The following GRSF1 variants were observed in gnomAD, a reference collection of about 807,000 sequenced individuals.
The protein encoded by GRSF1 is G-rich sequence factor 1.
Under a neutral mutation model 51.1 loss-of-function variants are expected in GRSF1, and 50 were observed. The ratio of observed to expected loss-of-function variants is 0.98; its 90% CI spans 0.78 to 1.24. The LOEUF (loss-of-function observed/expected upper bound fraction) is 1.24. GRSF1 is among the 50% of genes most tolerant of loss of function. The pLI is 0.00. For synonymous variants in GRSF1, 293 were observed against 253.3 expected, an observed-to-expected ratio of 1.16 and a Z score of -1.49; for missense variants, 700 against 639.7, an observed-to-expected ratio of 1.09 and a Z score of -1.02.
intron 8 of GRSF1, 149 bp from the exon 9 acceptor site, chr4:70,824,517 C>T: frequency 1.8e-6 from 1 of 548,126 alleles, no homozygotes; most frequent in Non-Finnish European, 3.3e-6. Flanking sequence ...CACGGTGGCT[C>T]ACGCCTATTG....
intron 9 of GRSF1, among the ~76,000 whole-genome samples, chr4:70,821,621 A>AAG (rs1462999894): frequency 1.3e-5 from 2 of 150,938 alleles, no homozygotes; most frequent in East Asian, 3.9e-4. Context: ...AAAAAAAAAA[A>AAG]AGCAATAGAA....
chr4:70,830,458 A>C (rs904898374), intron 5 of GRSF1, among the ~76,000 whole-genome samples: 2 of 151,352 alleles, frequency 1.3e-5, no homozygotes, highest in African/African-American at 2.4e-5. Context: ...AAAAAAAAAA[A>C]AAAACACACA....
In GRSF1 at chr4:70,832,447, T is replaced by C; in HGVS notation, c.674A>G (p.Tyr225Cys). Reference protein sequence around the residue: ...MYMGQRYVEVYEINNEDVDAL... With the variant: ...MYMGQRYVEVCEINNEDVDAL... ...ATCCACATCTTCATTGTTTATCTCA[T>C]ATACTACGAAGAAAAAACCCAACAG... The change falls in exon 4 of 10, where the codon TAT (tyrosine) becomes TGT (cysteine). Residue 225 changes from tyrosine (Y) to cysteine (C), a missense_variant. Transcript: ENST00000254799. The C allele has an allele frequency of 1.9e-6, 3 of 1,598,024 alleles. No homozygotes were observed. The highest frequency in any genetic ancestry group is 2.6e-6 in the Non-Finnish European group (3 of 1,166,614).
In GRSF1 at chr4:70,832,342, C is replaced by A. The variant is rs562156317; in HGVS notation, c.779G>T (p.Ser260Ile). The A allele has an allele frequency of 6.8e-6, 11 of 1,613,600 alleles. No homozygotes were observed. Among genetic ancestry groups the A allele is most frequent in the Non-Finnish European group, 9.3e-6 (11 of 1,179,618 alleles). ...GVVRLRGLPYSCNEKDIVDFF... is the reference protein window; with the variant it reads ...GVVRLRGLPYICNEKDIVDFF... ...GTCTACAATGTCTTTCTCATTGCAA[C>A]TATAAGGAAGTCCTCTCAAACGAAC... The change falls in exon 4 of 10, where the codon AGT becomes ATT. Residue 260 changes from serine (S) to isoleucine (I), a missense_variant. Physicochemically the swap from Ser to Ile is moderately radical, Grantham distance 142. Coordinates refer to ENST00000254799, the MANE Select transcript of GRSF1 (RefSeq NM_002092.4).
At chr4:70,823,973 TCTC>T (rs1733629727) in intron 9 of GRSF1, among the ~76,000 whole-genome samples, 2 of 57,872 alleles carry the variant, frequency 3.5e-5, no homozygotes, top group African/African-American at 8.6e-5. Flanking sequence ...GTTGTATCTC[TCTC>T]TTTTTTTTTT....
At chr4:70,829,155 T>C (rs1733858558) in intron 5 of GRSF1, among the ~76,000 whole-genome samples, 1 of 152,064 alleles carries the variant, frequency 6.6e-6, no homozygotes, top group Non-Finnish European at 1.5e-5. Context: ...CCTCCCAAAG[T>C]GCTGGGATTA....
At chr4:70,834,051 G>T (rs1055017445) in intron 2 of GRSF1, among the ~76,000 whole-genome samples, 1 of 152,150 alleles carries the variant, frequency 6.6e-6, no homozygotes, top group African/African-American at 2.4e-5. Flanking sequence ...CTGAGGTCAG[G>T]AGTTTGAGAC....
intron 8 of GRSF1, among the ~76,000 whole-genome samples, 190 bp downstream of exon 8, chr4:70,825,106 T>A (rs1733682786): frequency 6.6e-6 from 1 of 151,690 alleles, no homozygotes; most frequent in Non-Finnish European, 1.5e-5. Context: ...AAGAAAGAGA[T>A]TTGCAGGATA....
chr4:70,828,726 C>A (rs1733832060), intron 5 of GRSF1, among the ~76,000 whole-genome samples: 1 of 147,688 alleles, frequency 6.8e-6, no homozygotes, highest in Non-Finnish European at 1.5e-5. Context: ...CCTGCCACCA[C>A]ACACTGCTAA....
At chr4:70,830,107 A>C (rs1023863381) in intron 5 of GRSF1, among the ~76,000 whole-genome samples, 1 of 152,162 alleles carries the variant, frequency 6.6e-6, no homozygotes, top group African/African-American at 2.4e-5. Context: ...GGGGGGAAGA[A>C]TAAGTAAGGG....
At chr4:70,834,913 G>A (rs1461281099) in intron 2 of GRSF1, among the ~76,000 whole-genome samples, 7 of 152,102 alleles carry the variant, frequency 4.6e-5, no homozygotes, top group South Asian at 2.1e-4. Context: ...GTGAGCCACC[G>A]CACTTGGACC....
intron 7 of GRSF1, 105 bp downstream of exon 7, chr4:70,826,019 G>A (rs943751308): frequency 4.3e-5 from 40 of 938,728 alleles, no homozygotes; most frequent in Middle Eastern, 4.3e-4. Flanking sequence ...ACTATCCAAC[G>A]CAGAAACACT....
chr4:70,831,837 C>T (rs1733983597), intron 4 of GRSF1, among the ~76,000 whole-genome samples, 163 bp from the exon 5 acceptor site: 1 of 151,682 alleles, frequency 6.6e-6, no homozygotes, highest in Non-Finnish European at 1.5e-5. Flanking sequence ...AGTCAGTCAA[C>T]ACCTACATAC....
rs1218282997 is a variant in GRSF1, at chr4:70,831,553, T to C, written c.936A>G (p.Glu312=). 6.2e-7 allele frequency: 1 copy of C among 1,613,216 alleles called. No homozygotes were observed. Among genetic ancestry groups the C allele is most frequent in the Non-Finnish European group, 8.5e-7 (1 of 1,179,652 alleles). ...GCTTTACTCACCGATTACCAATTTC[T>C]TCCCTGTGTTTCAACAGGGCTTGGT... ...MANQALLKHR[E]EIGNRYIEIF... is the part of the protein sequence containing the mutation. The change falls in exon 5 of 10, where the codon GAA becomes GAG. Residue 312 remains glutamate, a synonymous_variant. Transcript: ENST00000254799.
At chr4:70,839,076 C>T (rs933382315) in intron 1 of GRSF1, 24 of 1,240,200 alleles carry the variant, frequency 1.9e-5, no homozygotes, top group Non-Finnish European at 2.4e-5. Context: ...TGCACGGAAA[C>T]TCCCAACCCT....
At chr4:70,836,536 T>C (rs1033900009) in intron 1 of GRSF1, among the ~76,000 whole-genome samples, 32 of 151,792 alleles carry the variant, frequency 2.1e-4, no homozygotes, top group African/African-American at 7.7e-4. Context: ...ACAAATTTCA[T>C]TCAGGGTTTG....
intron 5 of GRSF1, among the ~76,000 whole-genome samples, chr4:70,830,455 A>AAAC (rs1383072084): frequency 6.6e-6 from 1 of 151,458 alleles, no homozygotes; most frequent in African/African-American, 2.4e-5. Flanking sequence ...TTAAAAAAAA[A>AAAC]AAAAAAACAC....
rs1300891523 is a variant in GRSF1 at position 70,820,379 on chromosome 4, C to CTGCCAA, written c.*502_*507dup. The CTGCCAA allele has an allele frequency of 4.6e-5, 7 of 152,680 alleles. No homozygotes were observed. In the East Asian group the frequency reaches 1.3e-3, roughly 29 times the overall value. 9.5% of individuals were successfully genotyped at this position (152,680 alleles called of 1,614,324 possible). ...AAATACAGCAAAATTTAAAACTATT[C>CTGCCAA]TGCCAAACCATACCAGTTCAAAGGT... On this transcript the variant is annotated 3_prime_UTR_variant, in exon 10 of 10. Transcript: ENST00000254799.
chr4:70,832,976 TTA>T (rs1175418399), intron 3 of GRSF1, 140 bp downstream of exon 3: 25 of 752,808 alleles, frequency 3.3e-5, no homozygotes, highest in Non-Finnish European at 4.3e-5. Flanking sequence ...CTTTATCTCT[TTA>T]TGTTTTATTT....
Sources: allele counts gnomAD v4.1 joint callset (sites outside exome capture counted in the v4.1 genomes callset), GRCh38; gene constraint gnomAD v4.1.1; transcripts MANE v1.5; gene names NCBI Gene and HGNC (gene_info 2026-07-23, HGNC 2026-07-21).